The following RNF13 variants were observed in gnomAD, a reference collection of about 807,000 sequenced individuals.
RNF13 encodes the protein ring finger protein 13.
A neutral mutation model predicts 37.7 loss-of-function variants in RNF13; 19 were observed. The ratio of observed to expected loss-of-function variants is 0.50; its 90% CI spans 0.35 to 0.74. The LOEUF is 0.74. Ranked by LOEUF, RNF13 falls within the 30% of genes least tolerant of loss-of-function variation. The pLI is 0.01. For synonymous variants in RNF13, 144 were observed against 157.8 expected (o/e 0.91, Z 0.65); for missense variants, 375 against 453.0 (o/e 0.83, Z 1.56).
At chr3:149,854,879 T>C (rs1186340356) in intron 3 of RNF13, among the ~76,000 whole-genome samples, 1 of 152,034 alleles carries the variant, frequency 6.6e-6, no homozygotes, top group Non-Finnish European at 1.5e-5. Flanking sequence ...TTTGGTGAAA[T>C]ACCTAGCTAT....
intron 8 of RNF13, among the ~76,000 whole-genome samples, chr3:149,937,389 GAAGTCGAGGGGCATCATGGATAGAA>G (rs1335118924): frequency 6.6e-6 from 1 of 152,092 alleles, no homozygotes; most frequent in Non-Finnish European, 1.5e-5. Context: ...CATGGATAGA[GAAGTCGAGGGGCATCATGGATAGAA>G]AAGTCCATTC....
At chr3:149,906,207 A>G (rs1168954822) in intron 6 of RNF13, among the ~76,000 whole-genome samples, 1 of 152,066 alleles carries the variant, frequency 6.6e-6, no homozygotes, top group African/African-American at 2.4e-5. Context: ...TGGATATACC[A>G]TGTTTTGTTT....
intron 1 of RNF13, among the ~76,000 whole-genome samples, chr3:149,845,274 C>G (rs993581329): frequency 1.3e-5 from 2 of 152,050 alleles, no homozygotes; most frequent in Admixed American, 1.3e-4. Flanking sequence ...TTGTAATGTT[C>G]GTTCTCACTT....
At chr3:149,951,046 C>A (rs1009449102) in intron 8 of RNF13, among the ~76,000 whole-genome samples, 11 of 152,110 alleles carry the variant, frequency 7.2e-5, no homozygotes, top group African/African-American at 2.7e-4. Context: ...CTCCCGACCA[C>A]CCCCAATACC....
At chr3:149,903,851 A>G (rs556503592) in intron 6 of RNF13, among the ~76,000 whole-genome samples, 74 of 152,276 alleles carry the variant, frequency 4.9e-4, no homozygotes, top group Non-Finnish European at 9.0e-4. Context: ...TATTTTTTAA[A>G]GCTTTTTAGG....
intron 4 of RNF13, among the ~76,000 whole-genome samples, chr3:149,873,494 A>G (rs1712326979): frequency 6.6e-6 from 1 of 152,134 alleles, no homozygotes. Flanking sequence ...TTAATGATTT[A>G]GTCATTACTC....
intron 3 of RNF13, among the ~76,000 whole-genome samples, chr3:149,860,598 T>C (rs945196417): frequency 6.6e-6 from 1 of 152,068 alleles, no homozygotes. Context: ...CCCTCATCTC[T>C]GACCATATAC....
chr3:149,956,272 T>C (rs1027313854), intron 8 of RNF13, among the ~76,000 whole-genome samples: 12 of 152,188 alleles, frequency 7.9e-5, no homozygotes, highest in African/African-American at 2.7e-4. Flanking sequence ...GCTCTTAGCA[T>C]AATCTAGAAG....
At chr3:149,932,602 C>T in intron 8 of RNF13, among the ~76,000 whole-genome samples, 1 of 152,230 alleles carries the variant, frequency 6.6e-6, no homozygotes, top group African/African-American at 2.4e-5. Context: ...CCACACAAGT[C>T]TGAAACCTAG....
rs111687397 is a variant in RNF13, at chr3:149,925,059, A to C, written c.700+3832A>C. Among the ~76,000 whole-genome samples, 117 of 152,314 alleles carry C rather than the reference A, an allele frequency of 7.7e-4. 1 individual carries two copies. Among genetic ancestry groups the C allele is most frequent in the African/African-American group, 2.7e-3 (114 of 41,572 alleles). ...CTCTCAGGTAGGAAATCACCAACTG[A>C]GGGTGAGGACAGAGGAGGAGGTATT... On this transcript the variant is annotated intron_variant, in intron 8 of 9. Coordinates refer to ENST00000392894, the MANE Select transcript of RNF13 (RefSeq NM_183381.3).
At chr3:149,903,664 G>A (rs1213811161) in intron 6 of RNF13, among the ~76,000 whole-genome samples, 1 of 151,874 alleles carries the variant, frequency 6.6e-6, no homozygotes, top group Non-Finnish European at 1.5e-5. Flanking sequence ...CCACCTCTTG[G>A]CTACAGATAT....
intron 3 of RNF13, among the ~76,000 whole-genome samples, chr3:149,856,977 T>G (rs1723720797): frequency 6.6e-6 from 1 of 152,188 alleles, no homozygotes; most frequent in Admixed American, 6.5e-5. Context: ...CTCAATCTTC[T>G]GACTTCATGA....
chr3:149,928,074 A>G (rs972927326), intron 8 of RNF13, among the ~76,000 whole-genome samples: 1 of 149,368 alleles, frequency 6.7e-6, no homozygotes, highest in African/African-American at 2.5e-5. Flanking sequence ...AGCATCCCAC[A>G]TTCATGGATT....
intron 8 of RNF13, among the ~76,000 whole-genome samples, chr3:149,933,703 C>T (rs555603825): frequency 1.6e-4 from 25 of 151,734 alleles, no homozygotes; most frequent in African/African-American, 5.3e-4. Context: ...CCTGCCTCAG[C>T]CTCCCAAGTA....
Position 149,860,267 on chromosome 3 carries a change from AAAAAT to A in RNF13, c.195+7673_195+7677del, listed in dbSNP as rs369995336. Among the ~76,000 whole-genome samples, 676 of 97,182 alleles carry A rather than the reference AAAAAT, an allele frequency of 7.0e-3. 1 individual carries two copies. Among genetic ancestry groups the A allele is most frequent in the Middle Eastern group, 0.013 (3 of 230 alleles). 63.8% of individuals were successfully genotyped at this position (97,182 alleles called of 152,430 possible). The stretch of plus-strand genomic sequence containing the variant: ...AGAGAGACTCCATCTAAAAAAAAAA[AAAAAT>A]ATATATATATATATATATATATATA... On this transcript the variant is annotated intron_variant, in intron 3 of 9. Transcript: ENST00000392894.
chr3:149,914,766 C>T (rs915082861), intron 7 of RNF13, among the ~76,000 whole-genome samples: 1 of 151,862 alleles, frequency 6.6e-6, no homozygotes, highest in Non-Finnish European at 1.5e-5. Context: ...GGTGAAACCG[C>T]GTCTCTACTA....
At chr3:149,822,120 T>A (rs1229491916) in intron 1 of RNF13, among the ~76,000 whole-genome samples, 1 of 152,156 alleles carries the variant, frequency 6.6e-6, no homozygotes, top group South Asian at 2.1e-4. Flanking sequence ...TTGTTTGGCC[T>A]GTTTAGGGCC....
At chr3:149,933,937 C>T (rs898600876) in intron 8 of RNF13, among the ~76,000 whole-genome samples, 1 of 152,094 alleles carries the variant, frequency 6.6e-6, no homozygotes, top group African/African-American at 2.4e-5. Flanking sequence ...ACAATCATGT[C>T]ATCTGTGAAC....
rs576957872 is a variant in RNF13, at chr3:149,938,577, T to A, written c.700+17350T>A. ...TTTTCTTGCACTGATGTCTGCTCTG[T>A]CTGAAAATATGCTTACTCTCACATT... On this transcript the variant is annotated intron_variant, in intron 8 of 9. Transcript: ENST00000392894. 6.4e-4 allele frequency among the ~76,000 whole-genome samples: 98 copies of A among 152,184 alleles called. 1 individual carries two copies. The highest frequency in any genetic ancestry group is 1.2e-3 in the South Asian group (6 of 4,822).
Sources: allele counts gnomAD v4.1 joint callset (sites outside exome capture counted in the v4.1 genomes callset), GRCh38; gene constraint gnomAD v4.1.1; transcripts MANE v1.5; gene names NCBI Gene and HGNC (gene_info 2026-07-23, HGNC 2026-07-21).